The following FBN1 variants were observed in gnomAD, a reference collection of about 807,000 sequenced individuals.
The protein encoded by FBN1 is fibrillin-1.
Under a neutral mutation model 365.1 loss-of-function variants are expected in FBN1, and 29 were observed. That is an observed-to-expected ratio of 0.08 (90% CI 0.06 to 0.11). FBN1 has a LOEUF of 0.11. Ranked by LOEUF, FBN1 falls within the 10% of genes least tolerant of loss-of-function variation. The pLI, the probability that FBN1 is intolerant of heterozygous loss-of-function variation, is 1.00. For missense variants in FBN1, 2,476 were observed against 3,703.2 expected (o/e 0.67, Z 8.60); for synonymous variants, 1,210 against 1,270.5 (o/e 0.95, Z 1.01).
Position 48,492,514 on chromosome 15 carries a change from T to C in FBN1, c.2801A>G (p.Lys934Arg). The C allele has an allele frequency of 1.2e-6, 2 of 1,613,422 alleles. No individual in the cohort carries two copies. Among genetic ancestry groups the C allele is most frequent in the Non-Finnish European group, 8.5e-7 (1 of 1,179,400 alleles). ...AGTCATTCCACTGGGACACTGACAC[T>C]TGAATGACCCCCTAGTGTTAACACA... The part of the protein sequence containing the change: ...GLCVNTRGSF[K>R]CQCPSGMTLD... The change falls in exon 24 of 66, where the codon AAG (lysine) becomes AGG (arginine). Residue 934 changes from lysine to arginine, a missense_variant. Lys to Arg is a conservative substitution (Grantham distance 26). Transcript: ENST00000316623.
At chr15:48,465,529 A>G in intron 40 of FBN1, 39 bp downstream of exon 40, 1 of 1,612,202 alleles carries the variant, frequency 6.2e-7, no homozygotes, top group South Asian at 1.1e-5. Flanking sequence ...TCAGTTCTTG[A>G]TATCTGCAAG....
chr15:48,571,820 A>G (rs1484321838), intron 6 of FBN1, among the ~76,000 whole-genome samples: 4 of 152,354 alleles, frequency 2.6e-5, no homozygotes, highest in African/African-American at 7.2e-5. Flanking sequence ...ACATAACGAA[A>G]TAACAGAAAA....
chr15:48,535,472 A>G (rs1279200513), intron 7 of FBN1, among the ~76,000 whole-genome samples: 2 of 152,232 alleles, frequency 1.3e-5, no homozygotes, highest in East Asian at 1.9e-4. Context: ...TTTGTTATAA[A>G]GATTATAAAG....
chr15:48,571,654 A>G (rs2044306326), intron 6 of FBN1, among the ~76,000 whole-genome samples: 1 of 152,160 alleles, frequency 6.6e-6, no homozygotes, highest in Admixed American at 6.5e-5. Context: ...AATCCCTATG[A>G]TGGCAAGAAT....
chr15:48,447,022 T>C (rs1049768083), intron 46 of FBN1, among the ~76,000 whole-genome samples, 200 bp from the exon 47 acceptor site: 2 of 152,136 alleles, frequency 1.3e-5, no homozygotes, highest in African/African-American at 4.8e-5. Context: ...TGGGAATAAA[T>C]GGTTTCCTTG....
chr15:48,422,178 G>T, intron 60 of FBN1, 110 bp from the exon 61 acceptor site: 2 of 758,564 alleles, frequency 2.6e-6, no homozygotes, highest in Non-Finnish European at 4.7e-6. Flanking sequence ...AAATGACCCT[G>T]ACTAGAAAGA....
chr15:48,463,244 G>A lies in FBN1; in HGVS notation c.5066-4C>T, dbSNP rs748463311. 2.5e-6 allele frequency: 4 copies of A among 1,613,280 alleles called. No individual in the cohort carries two copies. The highest frequency in any genetic ancestry group is 8.5e-7 in the Non-Finnish European group (1 of 1,179,712). ...TAGCACAAACTTCTTCTCATATCTA[G>A]AAGGGAGGTAAAAAAAAGGATTGGA... On this transcript the variant is annotated splice_polypyrimidine_tract_variant and splice_region_variant and intron_variant, in intron 41 of 65. Coordinates refer to ENST00000316623, the MANE Select transcript of FBN1 (RefSeq NM_000138.5).
At chr15:48,614,880 C>T (rs1889622997) in intron 2 of FBN1, among the ~76,000 whole-genome samples, 1 of 152,080 alleles carries the variant, frequency 6.6e-6, no homozygotes, top group Non-Finnish European at 1.5e-5. Flanking sequence ...GGTTACTCAG[C>T]CAGTGGAAAC....
chr15:48,515,644 G>T, intron 11 of FBN1, 117 bp from the exon 12 acceptor site: 1 of 1,350,382 alleles, frequency 7.4e-7, no homozygotes, highest in Non-Finnish European at 1.0e-6. Flanking sequence ...TACTCTTTGG[G>T]CAAAGGTCGT....
intron 31 of FBN1, among the ~76,000 whole-genome samples, chr15:48,483,529 A>C (rs2043482447): frequency 6.6e-6 from 1 of 152,238 alleles, no homozygotes; most frequent in South Asian, 2.1e-4. Flanking sequence ...TGATAGTCAA[A>C]GCAGAAGGAG....
At chr15:48,549,384 T>G (rs752445926) in intron 6 of FBN1, among the ~76,000 whole-genome samples, 1 of 152,208 alleles carries the variant, frequency 6.6e-6, no homozygotes, top group Non-Finnish European at 1.5e-5. Context: ...GGAGGCGGCA[T>G]GTACATGATG....
intron 6 of FBN1, among the ~76,000 whole-genome samples, chr15:48,555,855 G>C (rs1430936372): frequency 6.6e-6 from 1 of 152,160 alleles, no homozygotes; most frequent in Non-Finnish European, 1.5e-5. Flanking sequence ...CAGGTTATCA[G>C]AACTGAATGT....
At chr15:48,448,642 CTGTG>C in intron 46 of FBN1, 122 bp downstream of exon 46, 1 of 828,964 alleles carries the variant, frequency 1.2e-6, no homozygotes, top group Non-Finnish European at 1.9e-6. Context: ...GCATATCTGT[CTGTG>C]TTTTTATTTT....
Position 48,481,669 on chromosome 15 carries a change from T to C in FBN1, c.3950A>G (p.Lys1317Arg). 6.2e-7 allele frequency: 1 copy of C among 1,613,874 alleles called. No homozygotes were observed. The highest frequency in any genetic ancestry group is 1.3e-5 in the African/African-American group (1 of 75,046). The change falls in exon 32 of 66, where the codon AAA (lysine) becomes AGA (arginine). Residue 1317 changes from lysine to arginine, a missense_variant. This residue lies in a region of FBN1 where 1,780 missense variants were observed against 2,840.8 expected (regional missense o/e 0.63). Transcript: ENST00000316623. ...CDMGYSGKKG[K>R]TGCTDINECE... is the part of the protein sequence containing the mutation. ...AACAAACACACCTGTACAGCCAGTTTTTCCTTTTTTGCCGGAGTAGCCCAT... is the reference window on the plus strand; with the variant it reads ...AACAAACACACCTGTACAGCCAGTTCTTCCTTTTTTGCCGGAGTAGCCCAT...
In FBN1 at chr15:48,468,537, A is replaced by C; in HGVS notation, c.4460-3T>G. On this transcript the variant is annotated splice_region_variant and splice_polypyrimidine_tract_variant and intron_variant, in intron 36 of 65. Coordinates refer to ENST00000316623, the MANE Select transcript of FBN1 (RefSeq NM_000138.5). ...TGGATCCAGGCATTCATTCACATCT[A>C]AAACCGAACAGTGAGTAGTGGAGTT... The C allele has an allele frequency of 6.2e-7, 1 of 1,613,984 alleles. No individual in the cohort carries two copies. The highest frequency in any genetic ancestry group is 8.5e-7 in the Non-Finnish European group (1 of 1,179,956).
intron 2 of FBN1, among the ~76,000 whole-genome samples, chr15:48,637,103 G>A (rs555310829): frequency 6.6e-6 from 1 of 152,244 alleles, no homozygotes; most frequent in Admixed American, 6.5e-5. Flanking sequence ...AACTAGTCAA[G>A]TACTGTCTGC....
At chr15:48,614,495 T>G (rs116238167) in intron 2 of FBN1, among the ~76,000 whole-genome samples, 2,799 of 152,262 alleles carry the variant, frequency 0.018, 101 homozygotes, top group African/African-American at 0.065. Context: ...CTTTGCTATG[T>G]CCTTTACCCC....
intron 6 of FBN1, among the ~76,000 whole-genome samples, chr15:48,564,000 G>A (rs1426459132): frequency 1.3e-5 from 2 of 152,284 alleles, no homozygotes; most frequent in Non-Finnish European, 2.9e-5. Flanking sequence ...AAGGGCCAAC[G>A]AGCAGGTATC....
chr15:48,614,686 G>C (rs1056019568), intron 2 of FBN1, among the ~76,000 whole-genome samples: 1 of 152,184 alleles, frequency 6.6e-6, no homozygotes, highest in Non-Finnish European at 1.5e-5. Context: ...TTGGATAGAG[G>C]TGAAATATGT....
Sources: gnomAD v4.1 joint callset for allele counts (sites outside exome capture counted in the v4.1 genomes callset) on GRCh38, gnomAD v4.1.1 for gene constraint, gnomAD v4.1.1 regional missense constraint, MANE v1.5 for transcripts, NCBI Gene and HGNC (gene_info 2026-07-23, HGNC 2026-07-21) for gene names.